The following HDAC9 variants were observed in gnomAD, a reference collection of about 807,000 sequenced individuals.
HDAC9 encodes MEF-2 interacting transcription repressor (MITR) protein.
Under a neutral mutation model 139.4 loss-of-function variants are expected in HDAC9, and 41 were observed. That is an observed-to-expected ratio of 0.29 (90% CI 0.23 to 0.38). The LOEUF is 0.38. Ranked by LOEUF, HDAC9 falls within the 10% of genes least tolerant of loss-of-function variation. The pLI, the probability that HDAC9 is intolerant of heterozygous loss-of-function variation, is 1.00. For synonymous variants in HDAC9, 517 were observed against 476.2 expected (o/e 1.09, Z -1.12); for missense variants, 1,147 against 1,297.0 (o/e 0.88, Z 1.78).
chr7:18,338,034 A>G (rs1461414957), intron 1 of HDAC9, among the ~76,000 whole-genome samples: 1 of 151,774 alleles, frequency 6.6e-6, no homozygotes, highest in Non-Finnish European at 1.5e-5. Context: ...ACTTTAAGGC[A>G]TTACTATTTT....
intron 23 of HDAC9, among the ~76,000 whole-genome samples, chr7:18,939,669 A>G (rs1009816262): frequency 8.5e-5 from 13 of 152,246 alleles, no homozygotes; most frequent in Admixed American, 5.2e-4. Context: ...AAAAGTGCAT[A>G]TATGTAGTTT....
chr7:18,149,332 C>T (rs1786577172), intron 1 of HDAC9, among the ~76,000 whole-genome samples: 2 of 148,170 alleles, frequency 1.3e-5, no homozygotes, highest in African/African-American at 2.5e-5. Flanking sequence ...CATATTAATT[C>T]TTATAATAAT....
At chr7:18,733,089 A>G (rs1351858906) in intron 13 of HDAC9, among the ~76,000 whole-genome samples, 4 of 145,956 alleles carry the variant, frequency 2.7e-5, no homozygotes, top group South Asian at 2.1e-4. Flanking sequence ...ATACACATAT[A>G]TACATGTGTA....
At chr7:18,187,117 C>T (rs1789975948) in intron 2 of HDAC9, among the ~76,000 whole-genome samples, 1 of 152,108 alleles carries the variant, frequency 6.6e-6, no homozygotes, top group South Asian at 2.1e-4. Context: ...ACATTGAGTA[C>T]CTACTATGTC....
At chr7:18,445,598 A>T (rs770138023) in intron 1 of HDAC9, among the ~76,000 whole-genome samples, 4 of 152,214 alleles carry the variant, frequency 2.6e-5, no homozygotes, top group Non-Finnish European at 4.4e-5. Context: ...AGCCAATTTT[A>T]ATGAAAAGTT....
intron 25 of HDAC9, among the ~76,000 whole-genome samples, chr7:18,977,919 G>GACAGACACACACACACACAC (rs1422767293): frequency 3.5e-5 from 5 of 140,930 alleles, no homozygotes; most frequent in African/African-American, 1.4e-4. Flanking sequence ...CAGACAGACA[G>GACAGACACACACACACACAC]ACACACACAC....
chr7:18,681,164 T>C (rs780699354), intron 12 of HDAC9, among the ~76,000 whole-genome samples: 2 of 152,028 alleles, frequency 1.3e-5, no homozygotes, highest in Non-Finnish European at 2.9e-5. Flanking sequence ...CTTTGGTTCA[T>C]GTGTGTATTT....
At chr7:18,792,020 TCAC>T (rs1464411042) in intron 16 of HDAC9, among the ~76,000 whole-genome samples, 1 of 152,182 alleles carries the variant, frequency 6.6e-6, no homozygotes, top group African/African-American at 2.4e-5. Flanking sequence ...TCCAGAAACT[TCAC>T]TACTATACTG....
At chr7:18,995,264 T>G (rs984750172) in intron 25 of HDAC9, among the ~76,000 whole-genome samples, 3 of 152,180 alleles carry the variant, frequency 2.0e-5, no homozygotes, top group Non-Finnish European at 2.9e-5. Context: ...CCAGTAATCT[T>G]CCCATGACAA....
chr7:18,547,582 C>T (rs1460150774), intron 2 of HDAC9, among the ~76,000 whole-genome samples: 2 of 152,156 alleles, frequency 1.3e-5, no homozygotes, highest in Non-Finnish European at 2.9e-5. Context: ...TTGGCTGCAT[C>T]GATTGACTTT....
chr7:18,449,703 C>T (rs1792636281), intron 1 of HDAC9, among the ~76,000 whole-genome samples: 1 of 152,098 alleles, frequency 6.6e-6, no homozygotes, highest in South Asian at 2.1e-4. Flanking sequence ...AAAGAAGGAG[C>T]TCAGAGTTAT....
At position 18,981,648 on chromosome 7, in the gene HDAC9, A is replaced by C. The variant is rs558027547; in HGVS notation, c.3170+5695A>C. ...CTTCACATCTATCTGACCTTTCTTC[A>C]GTCATCATATCTCTCTCTGCCTTCA... On this transcript the variant is annotated intron_variant, in intron 25 of 25. Coordinates refer to ENST00000686413, the MANE Select transcript of HDAC9 (RefSeq NM_178425.4). 1.2e-4 allele frequency among the ~76,000 whole-genome samples: 19 copies of C among 152,234 alleles called. No individual in the cohort carries two copies. The South Asian group carries it at 3.9e-3, about 32-fold the overall frequency.
intron 1 of HDAC9, among the ~76,000 whole-genome samples, chr7:18,351,659 A>C (rs1782856105): frequency 6.6e-6 from 1 of 152,200 alleles, no homozygotes; most frequent in South Asian, 2.1e-4. Context: ...TTAATCTCTC[A>C]AAATCTGCCT....
Position 18,727,672 on chromosome 7 carries a change from C to G in HDAC9, c.1824C>G (p.Leu608=), listed in dbSNP as rs368892578. Residue 608 remains leucine, a synonymous_variant, in exon 13 of 26, where the codon CTC becomes CTG. Transcript: ENST00000686413. The part of the protein sequence containing the change: ...VGMDGLEKHR[L]VSRTHSSPAA... ...TGGATGGATTAGAGAAACACCGTCT[C>G]GTCTCCAGGACTCACTCTTCCCCTG... The G allele has an allele frequency of 1.3e-4, 211 of 1,592,012 alleles. No homozygotes were observed. The highest frequency in any genetic ancestry group is 1.7e-4 in the Non-Finnish European group (198 of 1,171,838).
intron 16 of HDAC9, among the ~76,000 whole-genome samples, chr7:18,781,883 T>A (rs1478364203): frequency 6.6e-6 from 1 of 152,128 alleles, no homozygotes; most frequent in Non-Finnish European, 1.5e-5. Flanking sequence ...AAATATTTGG[T>A]CCACAGTAGA....
chr7:18,243,805 A>AATG (rs1329274019), intron 2 of HDAC9, among the ~76,000 whole-genome samples: 2 of 152,200 alleles, frequency 1.3e-5, no homozygotes, highest in Non-Finnish European at 2.9e-5. Flanking sequence ...GATTACGTTA[A>AATG]GCTTCCGTGA....
At chr7:18,618,978 A>C (rs1839471362) in intron 6 of HDAC9, among the ~76,000 whole-genome samples, 1 of 152,010 alleles carries the variant, frequency 6.6e-6, no homozygotes, top group Non-Finnish European at 1.5e-5. Flanking sequence ...TAGAAACTGG[A>C]TTGAAGACTG....
intron 2 of HDAC9, among the ~76,000 whole-genome samples, chr7:18,539,181 A>G (rs1280507025): frequency 6.6e-6 from 1 of 152,222 alleles, no homozygotes; most frequent in Non-Finnish European, 1.5e-5. Flanking sequence ...TATCAAGGTG[A>G]ACATCACCAG....
intron 1 of HDAC9, among the ~76,000 whole-genome samples, chr7:18,100,270 A>G (rs1430013386): frequency 1.3e-5 from 2 of 151,890 alleles, no homozygotes; most frequent in Non-Finnish European, 2.9e-5. Context: ...ATTTTAATGT[A>G]TCTTGGTATA....
Sources: allele counts gnomAD v4.1 joint callset (sites outside exome capture counted in the v4.1 genomes callset), GRCh38; gene constraint gnomAD v4.1.1; transcripts MANE v1.5; gene names NCBI Gene and HGNC (gene_info 2026-07-23, HGNC 2026-07-21).